Variants in NECAP2 observed in about 807,000 individuals in gnomAD.
NECAP2 encodes the protein NECAP endocytosis associated 2.
Under a neutral mutation model 37.8 loss-of-function variants are expected in NECAP2, and 38 were observed. That is an observed-to-expected ratio of 1.01 (90% CI 0.78 to 1.32). The LOEUF (loss-of-function observed/expected upper bound fraction) is 1.32. Ranked by LOEUF, NECAP2 falls within the 40% of genes most tolerant of loss-of-function variation. The probability of loss-of-function intolerance (pLI) is 0.00; values close to 1 mark genes in which losing one functional copy is unlikely to be tolerated. For missense variants in NECAP2, 316 were observed against 334.5 expected (o/e 0.94, Z 0.43); for synonymous variants, 121 against 127.7 (o/e 0.95, Z 0.35).
chr1:16,452,960 C>A (rs2086867951), intron 6 of NECAP2, among the ~76,000 whole-genome samples: 1 of 152,138 alleles, frequency 6.6e-6, no homozygotes, highest in African/African-American at 2.4e-5. Flanking sequence ...AGACTTCAGT[C>A]CTGTGGGGAG....
intron 1 of NECAP2, among the ~76,000 whole-genome samples, chr1:16,442,947 T>C (rs1408802880): frequency 6.6e-6 from 1 of 152,190 alleles, no homozygotes; most frequent in Non-Finnish European, 1.5e-5. Flanking sequence ...AAAAGAGGCA[T>C]TGCTGTAGGT....
At chr1:16,443,330 C>T (rs1344394495) in intron 1 of NECAP2, among the ~76,000 whole-genome samples, 1 of 152,218 alleles carries the variant, frequency 6.6e-6, no homozygotes, top group East Asian at 1.9e-4. Flanking sequence ...GGGAACATTA[C>T]ATGAATTTCA....
At chr1:16,452,712 G>A (rs1462358614) in intron 6 of NECAP2, among the ~76,000 whole-genome samples, 1 of 152,136 alleles carries the variant, frequency 6.6e-6, no homozygotes, top group African/African-American at 2.4e-5. Flanking sequence ...CGAGTGTCTA[G>A]TGTCAGCTTC....
At chr1:16,444,454 G>A (rs935674885) in intron 2 of NECAP2, among the ~76,000 whole-genome samples, 1 of 152,234 alleles carries the variant, frequency 6.6e-6, no homozygotes, top group African/African-American at 2.4e-5. Context: ...TTTAGAGAGA[G>A]AACTGGCTGC....
intron 7 of NECAP2, 133 bp from the exon 8 acceptor site, chr1:16,458,709 G>C: frequency 1.2e-6 from 1 of 844,102 alleles, no homozygotes; most frequent in Non-Finnish European, 1.9e-6. Context: ...GCCAGAGTTT[G>C]CTGACTGCTG....
intron 7 of NECAP2, among the ~76,000 whole-genome samples, chr1:16,457,276 T>C (rs1355665640): frequency 2.0e-5 from 3 of 152,012 alleles, no homozygotes; most frequent in Non-Finnish European, 2.9e-5. Flanking sequence ...GCCAACATGG[T>C]CAAACCCCAT....
chr1:16,443,770 C>T (rs2086722793), intron 2 of NECAP2, 38 bp downstream of exon 2: 1 of 1,513,160 alleles, frequency 6.6e-7, no homozygotes. Flanking sequence ...TGAGGGGCCG[C>T]ACCCCACTTT....
rs1287205272 is a variant in NECAP2, at chr1:16,440,813, G to A, written c.52G>A (p.Val18Ile). 6.2e-7 allele frequency: 1 copy of A among 1,614,068 alleles called. No individual in the cohort carries two copies. The highest frequency in any genetic ancestry group is 8.5e-7 in the Non-Finnish European group (1 of 1,180,022). Residue 18 changes from valine (V) to isoleucine (I), a missense_variant, in exon 1 of 8, where the codon GTC (valine) becomes ATC (isoleucine). This residue lies in a region of NECAP2 where 81 missense variants were observed against 124.2 expected (regional missense o/e 0.65). Transcript: ENST00000337132. ...SVLCVKPDVH[V>I]YRIPPRATNR... is the part of the protein sequence containing the mutation. The stretch of plus-strand genomic sequence containing the variant: ...GCTCTGTGTCAAGCCTGACGTCCAC[G>A]TCTACCGCATCCCTCCGCGGGCTAC...
chr1:16,451,448 T>G (rs1168062402), intron 5 of NECAP2: 3 of 186,956 alleles, frequency 1.6e-5, no homozygotes, highest in African/African-American at 7.1e-5. Flanking sequence ...AGCTTTATAA[T>G]CCTTTCAAAT....
chr1:16,457,652 T>G (rs2086940388), intron 7 of NECAP2, among the ~76,000 whole-genome samples: 1 of 152,062 alleles, frequency 6.6e-6, no homozygotes, highest in Admixed American at 6.6e-5. Context: ...GACATTCTAT[T>G]TATAGCATTC....
chr1:16,454,122 C>A (rs188812958), intron 6 of NECAP2, among the ~76,000 whole-genome samples: 1 of 148,402 alleles, frequency 6.7e-6, no homozygotes, highest in African/African-American at 2.5e-5. Flanking sequence ...TGTGATGGCG[C>A]AATCTCGGCT....
intron 6 of NECAP2, among the ~76,000 whole-genome samples, chr1:16,454,093 CTTGT>C (rs1325411416): frequency 1.3e-5 from 2 of 151,884 alleles, no homozygotes; most frequent in African/African-American, 4.8e-5. Flanking sequence ...GTTTTTTGCT[CTTGT>C]TGCCCAGGCT....
chr1:16,458,983 T>G lies in NECAP2; in HGVS notation c.*93T>G. On this transcript the variant is annotated 3_prime_UTR_variant, in exon 8 of 8. Coordinates refer to ENST00000337132, the MANE Select transcript of NECAP2 (RefSeq NM_018090.5). Reference sequence around the variant, plus strand: ...GACGAAGCCCTCCTCAGCTGGCCTGTGTTTGGGGCATGAATCTCTCCTCTC... The same window carrying G: ...GACGAAGCCCTCCTCAGCTGGCCTGGGTTTGGGGCATGAATCTCTCCTCTC... 1.2e-6 allele frequency: 2 copies of G among 1,605,710 alleles called. No homozygotes were observed. The highest frequency in any genetic ancestry group is 1.7e-6 in the Non-Finnish European group (2 of 1,176,264).
intron 6 of NECAP2, among the ~76,000 whole-genome samples, chr1:16,452,398 AC>A (rs908238809): frequency 2.1e-5 from 3 of 144,298 alleles, no homozygotes; most frequent in Non-Finnish European, 4.6e-5. Context: ...TAGGGCCTAG[AC>A]CCACCATCAG....
At chr1:16,441,004 AG>A in intron 1 of NECAP2, 151 bp downstream of exon 1, 1 of 648,478 alleles carries the variant, frequency 1.5e-6, no homozygotes, top group Non-Finnish European at 2.7e-6. Flanking sequence ...AGGCCCGAGC[AG>A]GGAGGTGGAT....
intron 5 of NECAP2, 60 bp downstream of exon 5, chr1:16,449,261 G>A: frequency 8.7e-7 from 1 of 1,155,122 alleles, no homozygotes. Context: ...CAGCCCCAGA[G>A]CCCATTGCTC....
chr1:16,441,224 C>CA (rs1195297176), intron 1 of NECAP2: 4 of 209,620 alleles, frequency 1.9e-5, no homozygotes, highest in African/African-American at 9.2e-5. Context: ...GGTGCCCTAT[C>CA]ACAGACGGAA....
intron 5 of NECAP2, 56 bp downstream of exon 5, chr1:16,449,257 C>A: frequency 8.3e-7 from 1 of 1,202,936 alleles, no homozygotes; most frequent in Non-Finnish European, 1.2e-6. Flanking sequence ...CACCCAGCCC[C>A]AGAGCCCATT....
At chr1:16,448,335 C>A in intron 4 of NECAP2, 194 bp downstream of exon 4, 1 of 622,200 alleles carries the variant, frequency 1.6e-6, no homozygotes. Context: ...TTACCTGAGG[C>A]TCATCTCTAC....
Sources: gnomAD v4.1 joint callset for allele counts (sites outside exome capture counted in the v4.1 genomes callset) on GRCh38, gnomAD v4.1.1 for gene constraint, gnomAD v4.1.1 regional missense constraint, MANE v1.5 for transcripts, NCBI Gene and HGNC (gene_info 2026-07-23, HGNC 2026-07-21) for gene names.